The following SPIN1 variants were observed in gnomAD, a reference collection of about 807,000 sequenced individuals.
SPIN1 encodes the protein spindlin-1.
In SPIN1, 3 loss-of-function variants were observed where a neutral mutation model predicts 26.0. The ratio of observed to expected loss-of-function variants is 0.12; its 90% CI spans 0.05 to 0.30. SPIN1 has a LOEUF of 0.30. Ranked by LOEUF, SPIN1 falls within the 10% of genes least tolerant of loss-of-function variation. SPIN1 has a pLI of 1.00. For synonymous variants in SPIN1, 101 were observed against 116.5 expected (o/e 0.87, Z 0.86); for missense variants, 126 against 333.4 (o/e 0.38, Z 4.84).
intron 1 of SPIN1, among the ~76,000 whole-genome samples, chr9:88,399,004 TCA>T (rs1385945611): frequency 1.3e-5 from 2 of 151,814 alleles, no homozygotes; most frequent in African/African-American, 4.8e-5. Context: ...TGATTTGAGT[TCA>T]CACAGTGTAG....
At chr9:88,395,991 G>A (rs1283337579) in intron 1 of SPIN1, among the ~76,000 whole-genome samples, 1 of 151,992 alleles carries the variant, frequency 6.6e-6, no homozygotes, top group Non-Finnish European at 1.5e-5. Context: ...AGACTGCAGT[G>A]AGCTGAGATT....
chr9:88,403,764 C>T (rs1488915214), intron 1 of SPIN1, among the ~76,000 whole-genome samples: 1 of 152,030 alleles, frequency 6.6e-6, no homozygotes, highest in Non-Finnish European at 1.5e-5. Context: ...TTTTAAGGGG[C>T]CAGTATTATT....
At chr9:88,470,049 C>T (rs1162680115) in intron 5 of SPIN1, among the ~76,000 whole-genome samples, 2 of 152,182 alleles carry the variant, frequency 1.3e-5, no homozygotes, top group South Asian at 2.1e-4. Context: ...TGTGGACATT[C>T]ATATGAATGG....
chr9:88,440,559 C>T (rs1459809528), intron 2 of SPIN1, among the ~76,000 whole-genome samples: 1 of 151,878 alleles, frequency 6.6e-6, no homozygotes, highest in Non-Finnish European at 1.5e-5. Context: ...CTGTCTCTGT[C>T]TCTCTCTCGC....
intron 2 of SPIN1, among the ~76,000 whole-genome samples, chr9:88,432,623 A>T (rs903058460): frequency 2.0e-5 from 3 of 151,312 alleles, no homozygotes; most frequent in Non-Finnish European, 4.4e-5. Flanking sequence ...AACTGGGATT[A>T]CAGGCGCATG....
At chr9:88,421,696 T>G (rs1425651776) in intron 1 of SPIN1, among the ~76,000 whole-genome samples, 1 of 150,892 alleles carries the variant, frequency 6.6e-6, no homozygotes, top group African/African-American at 2.4e-5. Flanking sequence ...TCTAGAGCAG[T>G]ATGTCTACCA....
chr9:88,394,068 C>T (rs1262984119), intron 1 of SPIN1, among the ~76,000 whole-genome samples: 1 of 152,160 alleles, frequency 6.6e-6, no homozygotes, highest in Non-Finnish European at 1.5e-5. Flanking sequence ...CAGCTGGTCT[C>T]AAACTCCCAA....
chr9:88,436,265 A>G (rs980292821), intron 2 of SPIN1, among the ~76,000 whole-genome samples: 3 of 152,132 alleles, frequency 2.0e-5, no homozygotes, highest in Non-Finnish European at 4.4e-5. Context: ...CAGAAGAATA[A>G]TTTTAGACTA....
chr9:88,395,421 G>C (rs1381802455), intron 1 of SPIN1, among the ~76,000 whole-genome samples: 1 of 152,010 alleles, frequency 6.6e-6, no homozygotes, highest in East Asian at 1.9e-4. Flanking sequence ...GTGCGTGCTT[G>C]CAACTCATCT....
chr9:88,475,421 GAAT>G lies in SPIN1; in HGVS notation c.*146_*148del, dbSNP rs1257799744. The G allele has an allele frequency of 1.3e-6, 1 of 749,580 alleles. No homozygotes were observed. The highest frequency in any genetic ancestry group is 3.0e-5 in the Admixed American group (1 of 33,724). The allele number at this position is 749,580 out of a possible 1,614,324, so 46.4% of individuals were successfully genotyped here. On this transcript the variant is annotated 3_prime_UTR_variant, in exon 6 of 6. Transcript: ENST00000375859. ...CTGCCAGCAGAACTGGTTTTGTTCT[GAAT>G]AGTACAGATTGATGTGAACACAAAG...
intron 5 of SPIN1, among the ~76,000 whole-genome samples, chr9:88,470,325 A>G (rs1248412240): frequency 6.6e-6 from 1 of 152,158 alleles, no homozygotes; most frequent in African/African-American, 2.4e-5. Context: ...CTTTGGGTAT[A>G]TACCTAGGAG....
intron 1 of SPIN1, among the ~76,000 whole-genome samples, chr9:88,390,600 T>C (rs936968762): frequency 6.6e-6 from 1 of 152,250 alleles, no homozygotes; most frequent in Admixed American, 6.5e-5. Flanking sequence ...TGTATTTATA[T>C]TTGTTGGATG....
chr9:88,448,369 T>A (rs1456146116), intron 2 of SPIN1, among the ~76,000 whole-genome samples: 1 of 152,090 alleles, frequency 6.6e-6, no homozygotes, highest in East Asian at 1.9e-4. Context: ...TTTTGTTTTT[T>A]GAGACAAGGT....
chr9:88,444,696 T>C (rs542205181), intron 2 of SPIN1, among the ~76,000 whole-genome samples: 9 of 147,426 alleles, frequency 6.1e-5, no homozygotes, highest in East Asian at 3.9e-4. Flanking sequence ...CTTTTCTTTT[T>C]TTTTTTTTTT....
intron 2 of SPIN1, among the ~76,000 whole-genome samples, chr9:88,440,787 C>T (rs1036044842): frequency 6.6e-6 from 1 of 151,464 alleles, no homozygotes; most frequent in East Asian, 2.0e-4. Flanking sequence ...CCATGTTGGC[C>T]AGGCTGGTCT....
At chr9:88,449,071 C>T (rs1206117610) in intron 3 of SPIN1, 82 bp downstream of exon 3, 1 of 1,374,592 alleles carries the variant, frequency 7.3e-7, no homozygotes, top group African/African-American at 1.4e-5. Context: ...GGTAAGGCCT[C>T]CTCCCCTGTG....
chr9:88,449,939 G>T (rs781731417), intron 3 of SPIN1, among the ~76,000 whole-genome samples: 1 of 152,192 alleles, frequency 6.6e-6, no homozygotes, highest in Non-Finnish European at 1.5e-5. Flanking sequence ...GGAAGGGCTG[G>T]ATGAATGCCC....
At chr9:88,462,792 G>A (rs1231575391) in intron 4 of SPIN1, 43 bp downstream of exon 4, 1 of 1,531,648 alleles carries the variant, frequency 6.5e-7, no homozygotes, top group Non-Finnish European at 8.8e-7. Context: ...CTTTAAAAAT[G>A]ATATTGAACT....
chr9:88,399,181 G>A (rs796741400), intron 1 of SPIN1, among the ~76,000 whole-genome samples: 19 of 152,164 alleles, frequency 1.2e-4, no homozygotes, highest in African/African-American at 2.2e-4. Context: ...ACAGGCGTGC[G>A]CCACCATGCC....
Sources: gnomAD v4.1 joint callset for allele counts (sites outside exome capture counted in the v4.1 genomes callset) on GRCh38, gnomAD v4.1.1 for gene constraint, MANE v1.5 for transcripts, NCBI Gene and HGNC (gene_info 2026-07-23, HGNC 2026-07-21) for gene names.